RPS6KC1: variants seen among roughly 807,000 people sequenced by gnomAD.
RPS6KC1 encodes inactive ribosomal protein S6 kinase delta-1.
RPS6KC1 carries 54 observed loss-of-function variants against 103.8 expected under a neutral mutation model. The ratio of observed to expected loss-of-function variants is 0.52; its 90% CI spans 0.42 to 0.65. The LOEUF (loss-of-function observed/expected upper bound fraction) is 0.65. Ranked by LOEUF, RPS6KC1 falls within the 30% of genes least tolerant of loss-of-function variation. The pLI, the probability that RPS6KC1 is intolerant of heterozygous loss-of-function variation, is 0.00. For synonymous variants in RPS6KC1, 439 were observed against 438.7 expected (o/e 1.00, Z -0.01); for missense variants, 1,151 against 1,253.8 (o/e 0.92, Z 1.24).
At chr1:213,451,784 G>A in the RPS6KC1 span, among the ~76,000 whole-genome samples, 3 of 152,208 alleles carry the variant, frequency 2.0e-5, no homozygotes, top group African/African-American at 4.8e-5. Context: ...CTGAGCTGGG[G>A]CAAGAACCCA....
the RPS6KC1 span, among the ~76,000 whole-genome samples, chr1:213,583,129 G>A: frequency 6.6e-6 from 1 of 152,184 alleles, no homozygotes; most frequent in Non-Finnish European, 1.5e-5. Flanking sequence ...ATTCCGATGC[G>A]TGGACACTCA....
At chr1:213,303,913 T>C in the RPS6KC1 span, among the ~76,000 whole-genome samples, 1 of 152,080 alleles carries the variant, frequency 6.6e-6, no homozygotes, top group Non-Finnish European at 1.5e-5. Flanking sequence ...TTAGAAGGTA[T>C]AGATGCTTGA....
chr1:213,074,843 ATTTTTTTT>A (rs752747801), intron 2 of RPS6KC1, among the ~76,000 whole-genome samples: 55 of 71,320 alleles, frequency 7.7e-4, no homozygotes, highest in African/African-American at 1.8e-3. Flanking sequence ...ACTAGAATAA[ATTTTTTTT>A]TTTTTTTTTT....
At chr1:213,765,108 T>C in the RPS6KC1 span, among the ~76,000 whole-genome samples, 1 of 152,112 alleles carries the variant, frequency 6.6e-6, no homozygotes, top group Admixed American at 6.5e-5. Flanking sequence ...TGCACCAAGC[T>C]CCTTTCAGAG....
At chr1:213,284,369 C>A in the RPS6KC1 span, among the ~76,000 whole-genome samples, 2 of 151,950 alleles carry the variant, frequency 1.3e-5, no homozygotes, top group African/African-American at 4.8e-5. Flanking sequence ...ACAAAAAAAC[C>A]GAGCATGGTG....
chr1:213,671,598 A>C, the RPS6KC1 span, among the ~76,000 whole-genome samples: 1 of 152,230 alleles, frequency 6.6e-6, no homozygotes, highest in Non-Finnish European at 1.5e-5. Context: ...AGCCTGGCCA[A>C]CATGGCGAAA....
intron 6 of RPS6KC1, among the ~76,000 whole-genome samples, chr1:213,137,495 G>A (rs1339880540): frequency 4.6e-5 from 7 of 151,346 alleles, no homozygotes; most frequent in African/African-American, 1.7e-4. Context: ...CACCACGCCT[G>A]GCTAATTTTG....
chr1:213,196,058 T>C (rs2092934921), intron 8 of RPS6KC1, among the ~76,000 whole-genome samples: 1 of 152,218 alleles, frequency 6.6e-6, no homozygotes, highest in Non-Finnish European at 1.5e-5. Context: ...ATCTCCATGC[T>C]GTTTTCGATA....
intron 8 of RPS6KC1, among the ~76,000 whole-genome samples, chr1:213,208,252 C>T (rs1399647711): frequency 6.6e-6 from 1 of 152,166 alleles, no homozygotes; most frequent in African/African-American, 2.4e-5. Flanking sequence ...CTCAAGTTTG[C>T]ATTGGTTTCC....
At chr1:213,310,973 C>G in the RPS6KC1 span, among the ~76,000 whole-genome samples, 3 of 151,906 alleles carry the variant, frequency 2.0e-5, no homozygotes, top group African/African-American at 7.3e-5. Context: ...CATTTGGGTC[C>G]CTGGTTCTCA....
rs116161176 is a variant in RPS6KC1, at chr1:213,177,927, G to T, written c.1044+1435G>T. Among the ~76,000 whole-genome samples the T allele has an allele frequency of 2.3e-3, 353 of 152,118 alleles. 1 individual carries two copies. Among genetic ancestry groups the T allele is most frequent in the Non-Finnish European group, 3.8e-3 (257 of 68,000 alleles). On this transcript the variant is annotated intron_variant, in intron 8 of 14. Coordinates refer to ENST00000366960, the MANE Select transcript of RPS6KC1 (RefSeq NM_012424.6). ...TTGTTTAAATAAGGGCTTTTGGCTG[G>T]GTGCTGTAGTTTGCACCTGTAATCC...
the RPS6KC1 span, among the ~76,000 whole-genome samples, chr1:213,794,745 G>A: frequency 3.3e-5 from 5 of 152,192 alleles, no homozygotes; most frequent in South Asian, 2.1e-4. Context: ...TGTCTTGCCC[G>A]GGGAGAATAG....
At chr1:213,601,936 CCTT>C in the RPS6KC1 span, among the ~76,000 whole-genome samples, 2 of 122,248 alleles carry the variant, frequency 1.6e-5, no homozygotes, top group Non-Finnish European at 1.7e-5. Context: ...TCCCTTCCTT[CCTT>C]CTTTTCTTTT....
At chr1:213,566,921 T>C in the RPS6KC1 span, among the ~76,000 whole-genome samples, 4,697 of 152,310 alleles carry the variant, frequency 0.031, 202 homozygotes, top group African/African-American at 0.1. Flanking sequence ...CTGTGTCTGC[T>C]GACTCTTTTG....
the RPS6KC1 span, among the ~76,000 whole-genome samples, chr1:213,284,970 TG>T: frequency 8.5e-5 from 13 of 152,226 alleles, no homozygotes; most frequent in Non-Finnish European, 1.5e-4. Flanking sequence ...CCAGCAAAAC[TG>T]ACTTTTAAGT....
At chr1:213,106,090 G>A (rs967510381) in intron 4 of RPS6KC1, among the ~76,000 whole-genome samples, 1 of 152,176 alleles carries the variant, frequency 6.6e-6, no homozygotes, top group Admixed American at 6.5e-5. Context: ...TTCAGAGTTT[G>A]TGAAAGATTG....
the RPS6KC1 span, among the ~76,000 whole-genome samples, chr1:213,336,839 A>G: frequency 1.3e-5 from 2 of 152,076 alleles, no homozygotes; most frequent in Non-Finnish European, 2.9e-5. Context: ...TCATACACCT[A>G]TTTAGACTTT....
At chr1:213,219,983 T>G (rs1364017442) in intron 8 of RPS6KC1, among the ~76,000 whole-genome samples, 1 of 151,948 alleles carries the variant, frequency 6.6e-6, no homozygotes, top group Non-Finnish European at 1.5e-5. Context: ...GTTGTGCACA[T>G]GTACCCTAAA....
At chr1:213,108,649 AC>A (rs2082714009) in intron 4 of RPS6KC1, among the ~76,000 whole-genome samples, 1 of 149,730 alleles carries the variant, frequency 6.7e-6, no homozygotes, top group African/African-American at 2.4e-5. Context: ...TTATTATTTT[AC>A]TTCTTTTTTT....
Sources: gnomAD v4.1 joint callset for allele counts (sites outside exome capture counted in the v4.1 genomes callset) on GRCh38, gnomAD v4.1.1 for gene constraint, MANE v1.5 for transcripts, NCBI Gene and HGNC (gene_info 2026-07-23, HGNC 2026-07-21) for gene names.